SBF2: variants seen among roughly 807,000 people sequenced by gnomAD.
SBF2 encodes the protein myotubularin-related protein 13.
SBF2 carries 112 observed loss-of-function variants against 225.2 expected under a neutral mutation model. The ratio of observed to expected loss-of-function variants is 0.50; its 90% CI spans 0.43 to 0.58. The LOEUF is 0.58. Among genes scored for constraint, SBF2 ranks in the 20% least tolerant of loss-of-function variants. The probability of loss-of-function intolerance (pLI) is 0.00; values close to 1 mark genes in which losing one functional copy is unlikely to be tolerated. For missense variants in SBF2, 1,996 were observed against 2,206.2 expected (o/e 0.90, Z 1.91); for synonymous variants, 763 against 773.3 (o/e 0.99, Z 0.22).
intron 1 of SBF2, among the ~76,000 whole-genome samples, chr11:10,248,923 G>A (rs775369448): frequency 1.3e-5 from 2 of 152,078 alleles, no homozygotes; most frequent in East Asian, 1.9e-4. Context: ...GTGAAACCCC[G>A]TCACTACTAA....
intron 20 of SBF2, 133 bp from the exon 21 acceptor site, chr11:9,852,882 T>A (rs1417741053): frequency 1.4e-5 from 10 of 737,078 alleles, no homozygotes. Context: ...ATTACCATTA[T>A]GACCCAGCAA....
chr11:10,173,779 G>C (rs1203562309), intron 2 of SBF2, among the ~76,000 whole-genome samples: 2 of 149,532 alleles, frequency 1.3e-5, no homozygotes, highest in Admixed American at 6.7e-5. Context: ...GCTTTGAAGA[G>C]AGCAGTGGTT....
At chr11:9,822,699 T>A (rs1854839241) in intron 28 of SBF2, among the ~76,000 whole-genome samples, 1 of 152,220 alleles carries the variant, frequency 6.6e-6, no homozygotes, top group African/African-American at 2.4e-5. Context: ...TTCAGAGAAC[T>A]AGTGTTTCCT....
chr11:10,083,035 A>G (rs748501298), intron 2 of SBF2, among the ~76,000 whole-genome samples: 5 of 152,226 alleles, frequency 3.3e-5, no homozygotes, highest in Non-Finnish European at 7.3e-5. Flanking sequence ...TTAAAGTTTC[A>G]GCATACAAAT....
At chr11:10,077,800 A>C (rs1951180018) in intron 2 of SBF2, among the ~76,000 whole-genome samples, 1 of 152,222 alleles carries the variant, frequency 6.6e-6, no homozygotes. Flanking sequence ...ATCTAATTAA[A>C]CTAAAGAGCT....
At chr11:9,830,935 G>A (rs1292962884) in intron 27 of SBF2, among the ~76,000 whole-genome samples, 2 of 152,024 alleles carry the variant, frequency 1.3e-5, no homozygotes, top group African/African-American at 2.4e-5. Flanking sequence ...TACGCTTATC[G>A]GTGCTCCCAA....
At chr11:10,003,338 G>GT (rs1948052629) in intron 6 of SBF2, among the ~76,000 whole-genome samples, 1 of 151,220 alleles carries the variant, frequency 6.6e-6, no homozygotes. Flanking sequence ...GATAAATGTG[G>GT]TATCTTATTT....
intron 13 of SBF2, among the ~76,000 whole-genome samples, chr11:9,970,588 T>C (rs180846251): frequency 4.4e-4 from 67 of 152,296 alleles, no homozygotes; most frequent in African/African-American, 1.3e-3. Flanking sequence ...GCAGATGATA[T>C]AGCTAGTATG....
intron 6 of SBF2, among the ~76,000 whole-genome samples, chr11:10,019,627 A>G (rs936824169): frequency 6.6e-6 from 1 of 152,110 alleles, no homozygotes; most frequent in Non-Finnish European, 1.5e-5. Flanking sequence ...ATATGAGAAA[A>G]CTAAGCAAGC....
At chr11:9,886,423 A>G (rs1374755249) in intron 17 of SBF2, among the ~76,000 whole-genome samples, 1 of 152,010 alleles carries the variant, frequency 6.6e-6, no homozygotes, top group Non-Finnish European at 1.5e-5. Flanking sequence ...ATCTCTCTGT[A>G]GAAGCCTCTT....
chr11:9,938,535 T>C (rs1385472314), intron 16 of SBF2, among the ~76,000 whole-genome samples: 1 of 151,484 alleles, frequency 6.6e-6, no homozygotes, highest in Admixed American at 6.6e-5. Flanking sequence ...CAAATAAATA[T>C]GGTATTCGTT....
chr11:9,971,394 T>C (rs912799688), intron 13 of SBF2, among the ~76,000 whole-genome samples: 4 of 152,004 alleles, frequency 2.6e-5, no homozygotes, highest in Non-Finnish European at 5.9e-5. Context: ...CAGGATGCAT[T>C]GGCCAGGCAC....
chr11:9,962,365 T>C (rs1235653497), intron 15 of SBF2, among the ~76,000 whole-genome samples: 3 of 152,236 alleles, frequency 2.0e-5, no homozygotes, highest in African/African-American at 7.2e-5. Flanking sequence ...ACTATTTTTC[T>C]TCAAGTTAAC....
chr11:9,992,670 A>C, intron 11 of SBF2, 127 bp from the exon 12 acceptor site: 1 of 865,770 alleles, frequency 1.2e-6, no homozygotes, highest in Non-Finnish European at 1.7e-6. Flanking sequence ...TGCTGTCATA[A>C]AATATATTTC....
chr11:9,853,045 C>T (rs1273509583), intron 20 of SBF2, among the ~76,000 whole-genome samples: 2 of 152,130 alleles, frequency 1.3e-5, no homozygotes, highest in African/African-American at 2.4e-5. Context: ...TGTGGGACAG[C>T]CATACCATGG....
Position 10,028,500 on chromosome 11 carries a change from T to C in SBF2, c.571A>G (p.Ser191Gly), listed in dbSNP as rs752648471. 6 of 1,613,870 alleles carry C rather than the reference T, an allele frequency of 3.7e-6. 1 individual carries two copies. In the South Asian group the frequency reaches 5.5e-5, roughly 15 times the overall value. ...ACACTAGTGCCCGTGATAGGAAGAC[T>C]ATCATGTAAAGGAGTCTGGATCAAC... ...RQLIQTPLHD[S>G]LPITGTSVAL... Residue 191 changes from serine (S) to glycine (G), a missense_variant, in exon 6 of 40, where the codon AGT (serine) becomes GGT (glycine). Ser to Gly is a moderately conservative substitution (Grantham distance 56). Transcript: ENST00000256190.
At chr11:10,229,678 T>C (rs868683355) in intron 1 of SBF2, among the ~76,000 whole-genome samples, 14 of 152,174 alleles carry the variant, frequency 9.2e-5, no homozygotes, top group African/African-American at 2.4e-4. Context: ...GTCTGAGAGA[T>C]AGTTTCTGAT....
intron 3 of SBF2, 151 bp from the exon 4 acceptor site, chr11:10,031,321 C>T (rs1949248821): frequency 2.7e-6 from 2 of 748,602 alleles, no homozygotes; most frequent in African/African-American, 1.8e-5. Context: ...AAAGAATAGA[C>T]TTTAAGAGCA....
At chr11:9,972,624 G>A (rs1384183408) in intron 13 of SBF2, among the ~76,000 whole-genome samples, 2 of 152,124 alleles carry the variant, frequency 1.3e-5, no homozygotes, top group Non-Finnish European at 2.9e-5. Context: ...GGGATTACAG[G>A]TGTGCACCAC....
Sources: allele counts gnomAD v4.1 joint callset (sites outside exome capture counted in the v4.1 genomes callset), GRCh38; gene constraint gnomAD v4.1.1; transcripts MANE v1.5; gene names NCBI Gene and HGNC (gene_info 2026-07-23, HGNC 2026-07-21).